ANGPTL3: variants seen among roughly 807,000 people sequenced by gnomAD.
The protein encoded by ANGPTL3 is angiopoietin-related protein 3.
Under a neutral mutation model 52.7 loss-of-function variants are expected in ANGPTL3, and 51 were observed. The ratio of observed to expected loss-of-function variants is 0.97; its 90% CI spans 0.77 to 1.22. ANGPTL3 has a LOEUF of 1.22. ANGPTL3 is among the 50% of genes most tolerant of loss of function. The pLI is 0.00. For synonymous variants in ANGPTL3, 185 were observed against 179.8 expected, an observed-to-expected ratio of 1.03 and a Z score of -0.23; for missense variants, 506 against 520.7, an observed-to-expected ratio of 0.97 and a Z score of 0.27.
chr1:62,600,865 T>G (rs896521809), intron 2 of ANGPTL3, among the ~76,000 whole-genome samples: 1 of 151,812 alleles, frequency 6.6e-6, no homozygotes, highest in African/African-American at 2.4e-5. Context: ...TTTTTTGCCT[T>G]GCTTTATTTT....
At position 62,605,098 on chromosome 1, in the gene ANGPTL3, C is replaced by G. The variant is rs1388158696; in HGVS notation, c.*281C>G. 7.3e-6 allele frequency: 2 copies of G among 272,248 alleles called. No homozygotes were observed. The highest frequency in any genetic ancestry group is 4.4e-5 in the African/African-American group (2 of 45,004). 16.9% of individuals were successfully genotyped at this position (272,248 alleles called of 1,614,324 possible). On this transcript the variant is annotated 3_prime_UTR_variant, in exon 7 of 7. Coordinates refer to ENST00000371129, the MANE Select transcript of ANGPTL3 (RefSeq NM_014495.4). ...ATCTAGATTATAATCAATAGGTGAA[C>G]TTATTAAATAACTTTTCTAAATAAA...
At position 62,603,964 on chromosome 1, in the gene ANGPTL3, T is replaced by C. The variant is rs1374066813; in HGVS notation, c.932-5T>C. 1 of 1,612,506 alleles carries C rather than the reference T, an allele frequency of 6.2e-7. No individual in the cohort carries two copies. The highest frequency in any genetic ancestry group is 1.1e-5 in the South Asian group (1 of 91,024). ...CTCACAGATTTTTAAAACTTTTCTT[T>C]TCAGGAGAATTTTGGTTGGGCCTAG... On this transcript the variant is annotated splice_region_variant and splice_polypyrimidine_tract_variant and intron_variant, in intron 5 of 6. Coordinates refer to ENST00000371129, the MANE Select transcript of ANGPTL3 (RefSeq NM_014495.4).
In ANGPTL3 at chr1:62,604,622, A is replaced by T; in HGVS notation, c.1199-11A>T. On this transcript the variant is annotated splice_polypyrimidine_tract_variant and intron_variant, in intron 6 of 6. Transcript: ENST00000371129. ...TCTGTACCCATTAAATTGCATATCTATCTCCTTTAGGAGGCTGGTGGTGGC... is the reference window on the plus strand; with the variant it reads ...TCTGTACCCATTAAATTGCATATCTTTCTCCTTTAGGAGGCTGGTGGTGGC... The T allele has an allele frequency of 6.2e-7, 1 of 1,612,572 alleles. No homozygotes were observed. Among genetic ancestry groups the T allele is most frequent in the Non-Finnish European group, 8.5e-7 (1 of 1,178,828 alleles).
chr1:62,603,867 TA>T, intron 5 of ANGPTL3, 101 bp from the exon 6 acceptor site: 1 of 1,128,304 alleles, frequency 8.9e-7, no homozygotes, highest in Non-Finnish European at 1.3e-6. Context: ...GATTCAAGAC[TA>T]AACAACTCAA....
chr1:62,604,542 A>G, intron 6 of ANGPTL3, 91 bp from the exon 7 acceptor site: 1 of 1,330,414 alleles, frequency 7.5e-7, no homozygotes, highest in Admixed American at 1.8e-5. Context: ...TGTAATATTT[A>G]TAAGAAAGGA....
At position 62,604,802 on chromosome 1, in the gene ANGPTL3, A is replaced by G. The variant is rs1435814872; in HGVS notation, c.1368A>G (p.Ser456=). Reference sequence around the variant, plus strand: ...AAATGTTGATCCATCCAACAGATTCAGAAAGCTTTGAATGAACTGAGGCAA... The same window carrying G: ...AAATGTTGATCCATCCAACAGATTCGGAAAGCTTTGAATGAACTGAGGCAA... ...STKMLIHPTD[S]ESFE is the part of the protein sequence containing the mutation. Residue 456 remains serine (S), a synonymous_variant, in exon 7 of 7, where the codon TCA becomes TCG. Transcript: ENST00000371129. The G allele has an allele frequency of 1.9e-6, 3 of 1,612,884 alleles. No homozygotes were observed. The highest frequency in any genetic ancestry group is 2.5e-6 in the Non-Finnish European group (3 of 1,179,238).
At position 62,604,743 on chromosome 1, in the gene ANGPTL3, C is replaced by A. The variant is rs1650714543; in HGVS notation, c.1309C>A (p.Gln437Lys). 2 of 1,613,110 alleles carry A rather than the reference C, an allele frequency of 1.2e-6. No individual in the cohort carries two copies. Among genetic ancestry groups the A allele is most frequent in the Non-Finnish European group, 1.7e-6 (2 of 1,179,358 alleles). Residue 437 changes from glutamine (Q) to lysine (K), a missense_variant, in exon 7 of 7, where the codon CAA becomes AAA. By Grantham distance (53) the Gln-to-Lys change is moderately conservative. Transcript: ENST00000371129. The stretch of plus-strand genomic sequence containing the variant: ...GAGAAGAGGATTATCTTGGAAGTCT[C>A]AAAATGGAAGGTTATACTCTATAAA... ...ERRRGLSWKS[Q>K]NGRLYSIKST...
intron 5 of ANGPTL3, 51 bp from the exon 6 acceptor site, chr1:62,603,918 T>A: frequency 3.2e-6 from 5 of 1,575,228 alleles, no homozygotes; most frequent in Non-Finnish European, 4.4e-6. Flanking sequence ...AAACTGTCAG[T>A]GTCCAACCTG....
intron 2 of ANGPTL3, among the ~76,000 whole-genome samples, chr1:62,599,593 AT>A (rs1410600296): frequency 6.6e-6 from 1 of 151,838 alleles, no homozygotes; most frequent in African/African-American, 2.4e-5. Flanking sequence ...GAATACAGGG[AT>A]TTTTTCCATT....
rs745852131 is a variant in ANGPTL3, at chr1:62,604,763, TATAAAA to T, written c.1330_1335del (p.Ile444_Lys445del). 1.2e-6 allele frequency: 2 copies of T among 1,613,054 alleles called. No individual in the cohort carries two copies. Among genetic ancestry groups the T allele is most frequent in the Admixed American group, 3.3e-5 (2 of 59,948 alleles). On this transcript the variant is annotated inframe_deletion, in exon 7 of 7. Coordinates refer to ENST00000371129, the MANE Select transcript of ANGPTL3 (RefSeq NM_014495.4). The stretch of plus-strand genomic sequence containing the variant: ...AGTCTCAAAATGGAAGGTTATACTC[TATAAAA>T]TCAACCAAAATGTTGATCCATCCAA...
At chr1:62,603,740 G>A (rs1396856890) in intron 5 of ANGPTL3, among the ~76,000 whole-genome samples, 1 of 151,818 alleles carries the variant, frequency 6.6e-6, no homozygotes, top group Admixed American at 6.6e-5. Flanking sequence ...ATGCATTATA[G>A]AAAGGATAAT....
intron 3 of ANGPTL3, 87 bp downstream of exon 3, chr1:62,601,283 A>G: frequency 1.1e-6 from 1 of 944,150 alleles, no homozygotes. Flanking sequence ...AAAGATAGTT[A>G]AGAGATATCC....
At chr1:62,602,023 C>T in intron 4 of ANGPTL3, 141 bp downstream of exon 4, 1 of 611,034 alleles carries the variant, frequency 1.6e-6, no homozygotes, top group South Asian at 2.2e-5. Flanking sequence ...ATACTTTTAC[C>T]TTGTTTATGT....
intron 5 of ANGPTL3, among the ~76,000 whole-genome samples, chr1:62,603,108 G>A (rs1383587003): frequency 3.3e-5 from 5 of 151,590 alleles, no homozygotes; most frequent in Non-Finnish European, 7.4e-5. Context: ...CTACCTAGAA[G>A]GTATACTCAG....
Position 62,604,202 on chromosome 1 carries a change from A to G in ANGPTL3, c.1165A>G (p.Lys389Glu). Residue 389 changes from lysine to glutamate, a missense_variant, in exon 6 of 7, where the codon AAA becomes GAA. Physicochemically the swap from Lys to Glu is moderately conservative, Grantham distance 56. Transcript: ENST00000371129. ...LVFSTWDHKA[K>E]GHFNCPEGYS... is the part of the protein sequence containing the mutation. ...GTTTTCTACTTGGGATCACAAAGCA[A>G]AAGGACACTTCAACTGTCCAGAGGG... The G allele has an allele frequency of 6.2e-7, 1 of 1,613,388 alleles. No individual in the cohort carries two copies. The highest frequency in any genetic ancestry group is 8.5e-7 in the Non-Finnish European group (1 of 1,179,438).
chr1:62,601,113 A>G lies in ANGPTL3; in HGVS notation c.638A>G (p.Glu213Gly). ...LRRTSIQEPT[E>G]ISLSSKPRAP... Reference sequence around the variant, plus strand: ...AGGACTAGTATTCAAGAACCCACAGAAATTTCTCTATCTTCCAAGCCAAGA... The same window carrying G: ...AGGACTAGTATTCAAGAACCCACAGGAATTTCTCTATCTTCCAAGCCAAGA... Residue 213 changes from glutamate (E) to glycine (G), a missense_variant, in exon 3 of 7, where the codon GAA becomes GGA. Coordinates refer to ENST00000371129, the MANE Select transcript of ANGPTL3 (RefSeq NM_014495.4). 6.2e-7 allele frequency: 1 copy of G among 1,609,388 alleles called. No homozygotes were observed. The highest frequency in any genetic ancestry group is 8.5e-7 in the Non-Finnish European group (1 of 1,176,300).
At position 62,597,617 on chromosome 1, in the gene ANGPTL3, C is replaced by A. The variant is rs764827703; in HGVS notation, c.51C>A (p.Ser17=). The A allele has an allele frequency of 3.8e-5, 61 of 1,612,638 alleles. No individual in the cohort carries two copies. Among genetic ancestry groups the A allele is most frequent in the Non-Finnish European group, 4.9e-5 (58 of 1,179,192 alleles). ...LLFIVPLVIS[S]RIDQDNSSFD... ...TTATTGTTCCTCTAGTTATTTCCTCCAGAATTGATCAAGACAATTCATCAT... is the reference window on the plus strand; with the variant it reads ...TTATTGTTCCTCTAGTTATTTCCTCAAGAATTGATCAAGACAATTCATCAT... The change falls in exon 1 of 7, where the codon TCC becomes TCA. Residue 17 remains serine, a synonymous_variant. Coordinates refer to ENST00000371129, the MANE Select transcript of ANGPTL3 (RefSeq NM_014495.4).
At position 62,605,018 on chromosome 1, in the gene ANGPTL3, A is replaced by T. The variant is rs1650768046; in HGVS notation, c.*201A>T. ...TTTACATTTCTCAATCAAAATTCTT[A>T]TAATACTATTTGTTTTAAATTTTGT... On this transcript the variant is annotated 3_prime_UTR_variant, in exon 7 of 7. Coordinates refer to ENST00000371129, the MANE Select transcript of ANGPTL3 (RefSeq NM_014495.4). 1 of 555,354 alleles carries T rather than the reference A, an allele frequency of 1.8e-6. No homozygotes were observed. The highest frequency in any genetic ancestry group is 3.1e-6 in the Non-Finnish European group (1 of 320,670). The allele number at this position is 555,354 out of a possible 1,614,324, so 34.4% of individuals were successfully genotyped here.
Position 62,597,576 on chromosome 1 carries a change from A to G in ANGPTL3, c.10A>G (p.Ile4Val), listed in dbSNP as rs760521061. Residue 4 changes from isoleucine to valine, a missense_variant, in exon 1 of 7, where the codon ATT (isoleucine) becomes GTT (valine). Coordinates refer to ENST00000371129, the MANE Select transcript of ANGPTL3 (RefSeq NM_014495.4). MFT[I>V]KLLLFIVPLV... Reference sequence around the variant, plus strand: ...GAAAATCAAGATAAAAATGTTCACAATTAAGCTCCTTCTTTTTATTGTTCC... The same window carrying G: ...GAAAATCAAGATAAAAATGTTCACAGTTAAGCTCCTTCTTTTTATTGTTCC... The G allele has an allele frequency of 6.2e-7, 1 of 1,612,782 alleles. No homozygotes were observed. Among genetic ancestry groups the G allele is most frequent in the South Asian group, 1.1e-5 (1 of 90,954 alleles).
Sources: gnomAD v4.1 joint callset for allele counts (sites outside exome capture counted in the v4.1 genomes callset) on GRCh38, gnomAD v4.1.1 for gene constraint, MANE v1.5 for transcripts, NCBI Gene and HGNC (gene_info 2026-07-23, HGNC 2026-07-21) for gene names.